The following ANGPT4 variants were observed in gnomAD, a reference collection of about 807,000 sequenced individuals.
ANGPT4 encodes the protein angiopoietin-4.
In ANGPT4, 50 loss-of-function variants were observed where a neutral mutation model predicts 53.0. The observed-to-expected ratio is 0.94, with a 90% CI of 0.75 to 1.20. The LOEUF is 1.20. Ranked by LOEUF, ANGPT4 falls within the 50% of genes most tolerant of loss-of-function variation. The pLI, the probability that ANGPT4 is intolerant of heterozygous loss-of-function variation, is 0.00. For synonymous variants in ANGPT4, 251 were observed against 259.7 expected (o/e 0.97, Z 0.32); for missense variants, 648 against 637.1 (o/e 1.02, Z -0.18).
chr20:878,377 G>A, intron 6 of ANGPT4, 50 bp from the exon 7 acceptor site: 1 of 1,548,206 alleles, frequency 6.5e-7, no homozygotes, highest in South Asian at 1.2e-5. Context: ...AGGAGGCCAT[G>A]TCCCTGGCTG....
At chr20:888,652 C>T (rs556320688) in intron 2 of ANGPT4, among the ~76,000 whole-genome samples, 8 of 152,316 alleles carry the variant, frequency 5.3e-5, no homozygotes, top group East Asian at 1.9e-4. Context: ...AATGGCAGCT[C>T]CATTCTCCCT....
chr20:914,157 C>T lies in ANGPT4; in HGVS notation c.309+1749G>A, dbSNP rs1019594155. Among the ~76,000 whole-genome samples the T allele has an allele frequency of 3.0e-4, 45 of 152,266 alleles. No individual in the cohort carries two copies. Among genetic ancestry groups the T allele is most frequent in the African/African-American group, 9.2e-4 (38 of 41,530 alleles). On this transcript the variant is annotated intron_variant, in intron 1 of 8. Coordinates refer to ENST00000381922, the MANE Select transcript of ANGPT4 (RefSeq NM_015985.4). This position sits in a 1 kb window ranked among gnomAD's most constrained non-coding sequence, Gnocchi z 5.0. ...ACTGTGTGTTCGGCACTATTCTAGGCCCTGGGAACCCAGAAGTGAGCAAAA... is the reference window on the plus strand; with the variant it reads ...ACTGTGTGTTCGGCACTATTCTAGGTCCTGGGAACCCAGAAGTGAGCAAAA...
rs114989991 is a variant in ANGPT4, at chr20:908,143, A to T, written c.309+7763T>A. The stretch of plus-strand genomic sequence containing the variant: ...ATGGTGGAAGCTGGCTCAGAGGTCC[A>T]CAGTCTATCAGAGAATGATCCTCAG... On this transcript the variant is annotated intron_variant, in intron 1 of 8. Coordinates refer to ENST00000381922, the MANE Select transcript of ANGPT4 (RefSeq NM_015985.4). The surrounding 1 kb of genome is among the most constrained non-coding windows in gnomAD (Gnocchi z 4.9). Among the ~76,000 whole-genome samples, 2,694 of 152,212 alleles carry T rather than the reference A, an allele frequency of 0.018. 74 individuals are homozygous for T. Among genetic ancestry groups the T allele is most frequent in the African/African-American group, 0.06 (2,474 of 41,508 alleles).
intron 7 of ANGPT4, among the ~76,000 whole-genome samples, chr20:875,660 G>A (rs1302022373): frequency 6.6e-6 from 1 of 152,240 alleles, no homozygotes; most frequent in Non-Finnish European, 1.5e-5. Flanking sequence ...ATGTCAGTGT[G>A]TGAAGTGTGC....
chr20:900,212 G>C (rs1188388738), intron 1 of ANGPT4, among the ~76,000 whole-genome samples: 1 of 152,012 alleles, frequency 6.6e-6, no homozygotes, highest in South Asian at 2.1e-4. Flanking sequence ...CTCCTCCCAG[G>C]CCCTCTTCTT....
At chr20:913,794 T>A (rs1181443850) in intron 1 of ANGPT4, among the ~76,000 whole-genome samples, 3 of 152,198 alleles carry the variant, frequency 2.0e-5, no homozygotes, top group Admixed American at 6.5e-5. Context: ...CAGGATGGGC[T>A]GGGCCAGCTG....
chr20:912,907 G>C (rs190907499), intron 1 of ANGPT4, among the ~76,000 whole-genome samples: 15 of 152,316 alleles, frequency 9.8e-5, no homozygotes, highest in Admixed American at 5.2e-4. Context: ...CCTGCAGTTT[G>C]TAGTGAGAAT....
intron 1 of ANGPT4, among the ~76,000 whole-genome samples, chr20:912,482 A>G (rs890600433): frequency 3.9e-5 from 6 of 152,216 alleles, no homozygotes; most frequent in Non-Finnish European, 7.3e-5. Context: ...AACCTCCTCA[A>G]TATTCCTGCC....
chr20:874,523 A>G, intron 7 of ANGPT4, 109 bp from the exon 8 acceptor site: 3 of 1,472,032 alleles, frequency 2.0e-6, no homozygotes, highest in Non-Finnish European at 2.8e-6. Flanking sequence ...CTTCCCCTCC[A>G]GGTGTTCTTG....
intron 1 of ANGPT4, among the ~76,000 whole-genome samples, chr20:907,103 C>T (rs933485350): frequency 2.0e-5 from 3 of 152,170 alleles, no homozygotes; most frequent in Non-Finnish European, 2.9e-5. Context: ...TTGCAGAGCG[C>T]CTGGAAGGAA....
Position 914,446 on chromosome 20 carries a change from G to A in ANGPT4, c.309+1460C>T, listed in dbSNP as rs1476550723. On this transcript the variant is annotated intron_variant, in intron 1 of 8. Transcript: ENST00000381922. This position sits in a 1 kb window ranked among gnomAD's most constrained non-coding sequence, Gnocchi z 5.0. ...GAGTAAGGGTTCTTGCTTTTATTCG[G>A]ATGCATGGTTAGCCCTGGGAGGAGG... 6.6e-6 allele frequency among the ~76,000 whole-genome samples: 1 copy of A among 152,054 alleles called. No homozygotes were observed. The highest frequency in any genetic ancestry group is 1.5e-5 in the Non-Finnish European group (1 of 68,012).
Position 885,258 on chromosome 20 carries a change from T to C in ANGPT4, c.655A>G (p.Lys219Glu). ...QQEELASILS[K>E]KAKLLNTLSR... ...AGCGTGTTCAGCAGCTTCGCCTTCTTGCTGAGGATGCTGGCCAGCTCCTCC... is the reference window on the plus strand; with the variant it reads ...AGCGTGTTCAGCAGCTTCGCCTTCTCGCTGAGGATGCTGGCCAGCTCCTCC... Residue 219 changes from lysine to glutamate, a missense_variant, in exon 4 of 9, where the codon AAG becomes GAG. Transcript: ENST00000381922. The C allele has an allele frequency of 6.3e-7, 1 of 1,581,298 alleles. No individual in the cohort carries two copies. The highest frequency in any genetic ancestry group is 1.1e-5 in the South Asian group (1 of 87,178).
intron 4 of ANGPT4, among the ~76,000 whole-genome samples, chr20:884,426 C>A (rs1035069281): frequency 5.9e-5 from 9 of 152,232 alleles, no homozygotes; most frequent in African/African-American, 2.2e-4. Context: ...CAGCACTGGG[C>A]CTGCCACACA....
At chr20:895,599 C>T (rs886333683) in intron 1 of ANGPT4, among the ~76,000 whole-genome samples, 3 of 152,088 alleles carry the variant, frequency 2.0e-5, no homozygotes, top group East Asian at 1.9e-4. Context: ...GGTGCAGATC[C>T]GTGGATGAGC....
In ANGPT4 at chr20:897,809, C is replaced by T. The variant is rs150901781; in HGVS notation, c.310-7441G>A. Among the ~76,000 whole-genome samples the T allele has an allele frequency of 1.6e-3, 244 of 152,324 alleles. 6 individuals are homozygous for T. The East Asian group carries it at 0.04, about 25-fold the overall frequency. ...TGCATTCCCCCTTCTTCTCCCTTAG[C>T]CTGTGTTCTCAAGAACTTAAAACCT... On this transcript the variant is annotated intron_variant, in intron 1 of 8. Coordinates refer to ENST00000381922, the MANE Select transcript of ANGPT4 (RefSeq NM_015985.4).
intron 1 of ANGPT4, among the ~76,000 whole-genome samples, chr20:905,813 G>T (rs1036011214): frequency 1.8e-4 from 28 of 152,300 alleles, no homozygotes; most frequent in Non-Finnish European, 3.1e-4. Context: ...GGTCTCCCAA[G>T]GAAGATATCT....
chr20:874,003 T>A (rs1010990188), intron 8 of ANGPT4, among the ~76,000 whole-genome samples: 5 of 151,860 alleles, frequency 3.3e-5, no homozygotes, highest in Non-Finnish European at 7.4e-5. Flanking sequence ...ATAGGGTGCC[T>A]CCCCCCCGGG....
At position 872,600 on chromosome 20, in the gene ANGPT4, T is replaced by C; in HGVS notation, c.*360A>G. On this transcript the variant is annotated 3_prime_UTR_variant, in exon 9 of 9. Transcript: ENST00000381922. ...TGGGCCATCTGGGCAGCTTCCGATG[T>C]GCAAATACATTCCCACCTGCCTGCA... 5.1e-6 allele frequency: 1 copy of C among 196,868 alleles called. No individual in the cohort carries two copies. The highest frequency in any genetic ancestry group is 1.3e-4 in the East Asian group (1 of 7,438). 12.2% of individuals were successfully genotyped at this position (196,868 alleles called of 1,614,324 possible).
chr20:906,234 G>A (rs1440396754), intron 1 of ANGPT4, among the ~76,000 whole-genome samples: 1 of 152,178 alleles, frequency 6.6e-6, no homozygotes, highest in Non-Finnish European at 1.5e-5. Context: ...AGGCCACTAT[G>A]GCCTGAGGAC....
Sources: gnomAD v4.1 joint callset for allele counts (sites outside exome capture counted in the v4.1 genomes callset) on GRCh38, gnomAD v4.1.1 for gene constraint, Gnocchi (gnomAD v3.1) non-coding constraint, MANE v1.5 for transcripts, NCBI Gene and HGNC (gene_info 2026-07-23, HGNC 2026-07-21) for gene names.